LRRC7: variants seen among roughly 807,000 people sequenced by gnomAD.
LRRC7 encodes the protein leucine rich repeat containing 7, also known as leucine-rich repeat-containing protein 7.
A neutral mutation model predicts 175.7 loss-of-function variants in LRRC7; 23 were observed. That is an observed-to-expected ratio of 0.13 (90% CI 0.09 to 0.19). The LOEUF (loss-of-function observed/expected upper bound fraction) is 0.19, where lower values mean the gene tolerates loss of function less well. Among genes scored for constraint, LRRC7 ranks in the 10% least tolerant of loss-of-function variants. The pLI, the probability that LRRC7 is intolerant of heterozygous loss-of-function variation, is 1.00. For synonymous variants in LRRC7, 685 were observed against 680.9 expected (o/e 1.01, Z -0.09); for missense variants, 1,354 against 1,904.7 (o/e 0.71, Z 5.38).
intron 7 of LRRC7, among the ~76,000 whole-genome samples, chr1:69,906,259 T>G (rs1365056410): frequency 6.6e-6 from 1 of 152,204 alleles, no homozygotes; most frequent in Non-Finnish European, 1.5e-5. Context: ...AGCTCTTTAG[T>G]TTAATTAGAT....
chr1:70,122,129 C>CTGTTTT lies in LRRC7; in HGVS notation c.*256_*261dup, dbSNP rs563448489. Reference sequence around the variant, plus strand: ...GCTGTGCATTGGTGCAGTTTTGTTTCTGTTTTTGTTTTTGTTTTTAATCAA... The same window carrying CTGTTTT: ...GCTGTGCATTGGTGCAGTTTTGTTTCTGTTTTTGTTTTTGTTTTTGTTTTTAATCAA... On this transcript the variant is annotated 3_prime_UTR_variant, in exon 27 of 27. Coordinates refer to ENST00000651989, the MANE Select transcript of LRRC7 (RefSeq NM_001370785.2). 1,100 of 314,974 alleles carry CTGTTTT rather than the reference C, an allele frequency of 3.5e-3. 11 individuals carry two copies. Among genetic ancestry groups the CTGTTTT allele is most frequent in the African/African-American group, 0.022 (1,025 of 46,116 alleles). 19.5% of individuals were successfully genotyped at this position (314,974 alleles called of 1,614,324 possible).
chr1:69,757,578 G>C (rs1557689185), intron 2 of LRRC7, among the ~76,000 whole-genome samples: 1 of 151,924 alleles, frequency 6.6e-6, no homozygotes, highest in East Asian at 1.9e-4. Flanking sequence ...TTTAAGGAAT[G>C]GGAAAGTGCC....
chr1:69,941,040 C>G (rs2101798531), intron 8 of LRRC7, among the ~76,000 whole-genome samples: 1 of 152,084 alleles, frequency 6.6e-6, no homozygotes, highest in East Asian at 1.9e-4. Flanking sequence ...GAAAGGAGGT[C>G]AGGGAGTGAG....
At chr1:69,665,056 G>T (rs61782253) in intron 1 of LRRC7, among the ~76,000 whole-genome samples, 1 of 151,894 alleles carries the variant, frequency 6.6e-6, no homozygotes, top group Non-Finnish European at 1.5e-5. Context: ...ATTAATTGAA[G>T]AAACTGTCCT....
intron 10 of LRRC7, among the ~76,000 whole-genome samples, chr1:69,993,834 A>G (rs992880158): frequency 1.3e-5 from 2 of 152,158 alleles, no homozygotes; most frequent in African/African-American, 2.4e-5. Flanking sequence ...AGGTTATTTT[A>G]TGGTTGGATA....
chr1:69,947,052 G>A (rs1329143828), intron 8 of LRRC7, among the ~76,000 whole-genome samples: 1 of 151,918 alleles, frequency 6.6e-6, no homozygotes, highest in Non-Finnish European at 1.5e-5. Flanking sequence ...CACTCCAGCT[G>A]AGGCAAGATC....
chr1:69,676,971 C>T (rs1201106761), intron 1 of LRRC7, among the ~76,000 whole-genome samples: 1 of 151,676 alleles, frequency 6.6e-6, no homozygotes, highest in Non-Finnish European at 1.5e-5. Flanking sequence ...TCCATTTTAC[C>T]ACTCTGTGTG....
At chr1:69,965,497 G>A (rs1651566548) in intron 8 of LRRC7, among the ~76,000 whole-genome samples, 2 of 151,888 alleles carry the variant, frequency 1.3e-5, no homozygotes, top group South Asian at 2.1e-4. Context: ...TCACATCTTA[G>A]CAGTACATTT....
At chr1:69,963,851 T>C (rs557775107) in intron 8 of LRRC7, among the ~76,000 whole-genome samples, 6 of 152,320 alleles carry the variant, frequency 3.9e-5, no homozygotes, top group Non-Finnish European at 8.8e-5. Flanking sequence ...AATACTGGAA[T>C]GTAACATCCA....
chr1:69,996,054 C>G (rs1217676020), intron 11 of LRRC7, among the ~76,000 whole-genome samples: 12 of 150,738 alleles, frequency 8.0e-5, no homozygotes, highest in Non-Finnish European at 1.0e-4. Context: ...TCCACATCCT[C>G]TCCAGCACCT....
intron 1 of LRRC7, among the ~76,000 whole-genome samples, chr1:69,625,696 C>G (rs72936557): frequency 0.024 from 3,661 of 152,076 alleles, 122 homozygotes; most frequent in African/African-American, 0.083. Context: ...TGGCATGTAG[C>G]ATTTCCATTA....
intron 7 of LRRC7, among the ~76,000 whole-genome samples, chr1:69,927,922 T>C (rs1417153523): frequency 6.6e-6 from 1 of 152,154 alleles, no homozygotes; most frequent in Non-Finnish European, 1.5e-5. Context: ...CTCTGTTTTT[T>C]CCCCATCTTT....
chr1:70,144,362 A>AAAG (rs1413052140), exon 27 of LRRC7: 1 of 152,200 alleles, frequency 6.6e-6, no homozygotes, highest in East Asian at 1.9e-4. Context: ...ACCTTATTGT[A>AAAG]AAGTGTCTTT....
intron 1 of LRRC7, among the ~76,000 whole-genome samples, chr1:69,654,264 A>T (rs191842021): frequency 7.1e-4 from 108 of 152,142 alleles, no homozygotes; most frequent in African/African-American, 2.6e-3. Context: ...AAAAGGGGAA[A>T]CTTAAAACCT....
intron 7 of LRRC7, among the ~76,000 whole-genome samples, chr1:69,914,707 G>A (rs1646634768): frequency 6.6e-6 from 1 of 152,080 alleles, no homozygotes. Context: ...TTTAAGAACA[G>A]GTATAGAATA....
At chr1:70,085,204 G>T (rs1424526768) in intron 24 of LRRC7, among the ~76,000 whole-genome samples, 1 of 152,034 alleles carries the variant, frequency 6.6e-6, no homozygotes, top group African/African-American at 2.4e-5. Flanking sequence ...AAGAATCATT[G>T]CCTAATCTAA....
chr1:69,823,948 G>A (rs774011573), intron 4 of LRRC7, among the ~76,000 whole-genome samples: 4 of 152,160 alleles, frequency 2.6e-5, no homozygotes, highest in South Asian at 2.1e-4. Context: ...ATTCCATCTC[G>A]AGCCAACAGA....
intron 1 of LRRC7, among the ~76,000 whole-genome samples, chr1:69,581,607 A>C (rs1646203937): frequency 6.6e-6 from 1 of 152,190 alleles, no homozygotes. Context: ...CATATTGAAG[A>C]AGCATCAACT....
chr1:69,924,921 G>A (rs925716457), intron 7 of LRRC7, among the ~76,000 whole-genome samples: 10 of 152,152 alleles, frequency 6.6e-5, no homozygotes, highest in African/African-American at 1.4e-4. Flanking sequence ...ATTCAGTATG[G>A]TATTGGCTGT....
Sources: allele counts gnomAD v4.1 joint callset (sites outside exome capture counted in the v4.1 genomes callset), GRCh38; gene constraint gnomAD v4.1.1; transcripts MANE v1.5; gene names NCBI Gene and HGNC (gene_info 2026-07-23, HGNC 2026-07-21).